The following NUP210L variants were observed in gnomAD, a reference collection of about 807,000 sequenced individuals.
NUP210L encodes the protein nuclear pore membrane glycoprotein 210-like.
Under a neutral mutation model 208.5 loss-of-function variants are expected in NUP210L, and 74 were observed. That is an observed-to-expected ratio of 0.35 (90% CI 0.29 to 0.43). NUP210L has a LOEUF of 0.43. Among genes scored for constraint, NUP210L ranks in the 20% least tolerant of loss-of-function variants. The probability of loss-of-function intolerance (pLI) is 1.00; values close to 1 mark genes in which losing one functional copy is unlikely to be tolerated. For synonymous variants in NUP210L, 780 were observed against 816.9 expected, an observed-to-expected ratio of 0.95 and a Z score of 0.77; for missense variants, 1,843 against 2,289.4, an observed-to-expected ratio of 0.81 and a Z score of 3.98.
exon 40 of NUP210L, chr1:153,992,704 T>C: frequency 1.5e-6 from 1 of 684,214 alleles, no homozygotes; most frequent in Non-Finnish European, 2.5e-6. Context: ...AAGAAACAGC[T>C]TAGGATGCTT....
intron 1 of NUP210L, among the ~76,000 whole-genome samples, chr1:154,154,061 T>C (rs1659556574): frequency 6.6e-6 from 1 of 152,136 alleles, no homozygotes; most frequent in Non-Finnish European, 1.5e-5. Context: ...CAGAAAATCA[T>C]GTCTCTTCAT....
intron 11 of NUP210L, 138 bp downstream of exon 11, chr1:154,118,533 T>C (rs1557989106): frequency 3.7e-6 from 2 of 533,442 alleles, no homozygotes; most frequent in East Asian, 3.0e-5. Flanking sequence ...TTCAAGAGTA[T>C]AATTTTGGTT....
chr1:154,125,639 A>C (rs565351660), intron 10 of NUP210L, among the ~76,000 whole-genome samples: 2 of 1,066 alleles, frequency 1.9e-3, no homozygotes, highest in East Asian at 0.033. Context: ...GGAAGGAAGG[A>C]AGGAAGGAAG....
chr1:154,151,755 T>C (rs1659395310), intron 2 of NUP210L, among the ~76,000 whole-genome samples: 1 of 152,062 alleles, frequency 6.6e-6, no homozygotes, highest in South Asian at 2.1e-4. Context: ...GCCATTGCAC[T>C]ACAACCTGTG....
At chr1:154,111,200 T>G (rs1046045107) in intron 12 of NUP210L, among the ~76,000 whole-genome samples, 4 of 151,272 alleles carry the variant, frequency 2.6e-5, no homozygotes, top group Non-Finnish European at 5.9e-5. Flanking sequence ...CCGGCCTACA[T>G]GGTGAAACCC....
At chr1:154,002,148 G>C (rs1650256918) in intron 35 of NUP210L, among the ~76,000 whole-genome samples, 163 bp from the exon 36 acceptor site, 1 of 152,068 alleles carries the variant, frequency 6.6e-6, no homozygotes, top group Non-Finnish European at 1.5e-5. Context: ...GCCACTACGA[G>C]GAGGATGCCA....
chr1:154,150,591 G>C (rs1050354946), intron 2 of NUP210L, among the ~76,000 whole-genome samples: 1 of 151,926 alleles, frequency 6.6e-6, no homozygotes, highest in African/African-American at 2.4e-5. Flanking sequence ...AGCCAGGCGT[G>C]GTGGCGCATG....
rs771689182 is a variant in NUP210L, at chr1:154,001,699, ATCTCT to A, written c.5181+31_5181+35del. 7 of 1,597,774 alleles carry A rather than the reference ATCTCT, an allele frequency of 4.4e-6. No individual in the cohort carries two copies. The South Asian group carries it at 6.6e-5, about 15-fold the overall frequency. ...TGAAAACTATCTTTTCAAATTCCTG[ATCTCT>A]TGTTCTGTTTTGGTTCAGTTCTTAA... On this transcript the variant is annotated intron_variant, in intron 36 of 39. Transcript: ENST00000368559.
rs1191335100 is a variant in NUP210L, at chr1:154,139,686, AC to A, written c.717+115del. The A allele has an allele frequency of 2.4e-4, 191 of 780,322 alleles. No homozygotes were observed. The East Asian group carries it at 4.4e-3, about 18-fold the overall frequency. The allele number at this position is 780,322 out of a possible 1,614,324, so 48.3% of individuals were successfully genotyped here. A position where few individuals can be genotyped will look rare whatever the true frequency, so the allele number is the denominator to read the frequency against. On this transcript the variant is annotated intron_variant, in intron 5 of 39. Coordinates refer to ENST00000368559, the Ensembl canonical transcript of NUP210L. ...TGTCTCTACAAAAACAAACAAACAAACAAAAAAAAAAAAAAAACAGGGCGGG... is the reference window on the plus strand; with the variant it reads ...TGTCTCTACAAAAACAAACAAACAAAAAAAAAAAAAAAAAAACAGGGCGGG...
chr1:154,103,559 C>A (rs1223559247), intron 13 of NUP210L, among the ~76,000 whole-genome samples: 3 of 135,484 alleles, frequency 2.2e-5, no homozygotes, highest in Admixed American at 7.5e-5. Context: ...GTAGTCCCAG[C>A]TACTCGGGAG....
chr1:154,090,628 T>C (rs1276403319), intron 15 of NUP210L, among the ~76,000 whole-genome samples: 2 of 152,088 alleles, frequency 1.3e-5, no homozygotes, highest in East Asian at 1.9e-4. Context: ...CTGGCCGATA[T>C]GGTGAAACCC....
chr1:154,046,467 T>C, intron 25 of NUP210L, 98 bp from the exon 26 acceptor site: 2 of 1,031,192 alleles, frequency 1.9e-6, no homozygotes, highest in Non-Finnish European at 1.5e-6. Context: ...GTTTTTAACA[T>C]TCAGTAAAAA....
chr1:154,015,745 A>ACC (rs1342657705), intron 33 of NUP210L, among the ~76,000 whole-genome samples: 1 of 150,574 alleles, frequency 6.6e-6, no homozygotes, highest in African/African-American at 2.4e-5. Context: ...ACACACACAC[A>ACC]CACACCCCAC....
At chr1:153,993,891 A>C (rs1026463574) in intron 38 of NUP210L, among the ~76,000 whole-genome samples, 1 of 152,074 alleles carries the variant, frequency 6.6e-6, no homozygotes, top group African/African-American at 2.4e-5. Flanking sequence ...ATGGGACTCC[A>C]TCTCAAAAAA....
intron 10 of NUP210L, among the ~76,000 whole-genome samples, chr1:154,119,591 A>T (rs1262847544): frequency 1.3e-5 from 2 of 152,152 alleles, no homozygotes; most frequent in African/African-American, 4.8e-5. Flanking sequence ...CTGGTCTCAA[A>T]AAACAAACAA....
At chr1:154,010,645 C>T (rs1051757078) in intron 34 of NUP210L, among the ~76,000 whole-genome samples, 7 of 151,898 alleles carry the variant, frequency 4.6e-5, no homozygotes, top group African/African-American at 7.3e-5. Flanking sequence ...CCGAGGCAGG[C>T]GGATCACCTG....
intron 35 of NUP210L, among the ~76,000 whole-genome samples, chr1:154,005,344 C>T (rs1200357794): frequency 2.6e-5 from 4 of 152,050 alleles, no homozygotes; most frequent in Non-Finnish European, 5.9e-5. Context: ...CTGCCTCAGC[C>T]TCCCAAGTAG....
At chr1:154,062,123 G>A (rs1190477056) in intron 17 of NUP210L, among the ~76,000 whole-genome samples, 2 of 152,168 alleles carry the variant, frequency 1.3e-5, no homozygotes, top group Non-Finnish European at 2.9e-5. Flanking sequence ...ACCACGCCCG[G>A]CCTGAAAACT....
chr1:154,138,612 G>C (rs1043328655), intron 5 of NUP210L, among the ~76,000 whole-genome samples: 2 of 152,154 alleles, frequency 1.3e-5, no homozygotes, highest in Non-Finnish European at 2.9e-5. Context: ...TCCACTCTCT[G>C]TTGAACACAT....
Sources: gnomAD v4.1 joint callset for allele counts (sites outside exome capture counted in the v4.1 genomes callset) on GRCh38, gnomAD v4.1.1 for gene constraint, MANE v1.5 for transcripts, NCBI Gene and HGNC (gene_info 2026-07-23, HGNC 2026-07-21) for gene names.